Variants in CA10 observed in about 807,000 individuals in gnomAD.
CA10 encodes the protein carbonic anhydrase 10 (inactive), also known as carbonic anhydrase-related protein 10.
Under a neutral mutation model 44.2 loss-of-function variants are expected in CA10, and 14 were observed. The observed-to-expected ratio is 0.32, with a 90% CI of 0.21 to 0.50. The LOEUF (loss-of-function observed/expected upper bound fraction) is 0.50. CA10 is among the 20% of genes least tolerant of loss of function. The pLI is 0.99. For missense variants in CA10, 350 were observed against 409.7 expected (o/e 0.85, Z 1.26); for synonymous variants, 159 against 141.6 (o/e 1.12, Z -0.87).
chr17:51,757,642 G>A (rs1189107321), intron 3 of CA10, among the ~76,000 whole-genome samples: 2 of 152,200 alleles, frequency 1.3e-5, no homozygotes, highest in East Asian at 1.9e-4. Context: ...ATAAGTGTGT[G>A]TATACACAAC....
At chr17:52,039,721 A>G (rs1986717234) in intron 2 of CA10, among the ~76,000 whole-genome samples, 1 of 152,124 alleles carries the variant, frequency 6.6e-6, no homozygotes, top group African/African-American at 2.4e-5. Flanking sequence ...ATTTCTTTTA[A>G]TCATATGCTA....
intron 1 of CA10, among the ~76,000 whole-genome samples, chr17:52,097,470 C>T (rs181306832): frequency 4.0e-4 from 61 of 152,248 alleles, no homozygotes; most frequent in Non-Finnish European, 7.2e-4. Flanking sequence ...AAAAGCTCAA[C>T]CAATTTCTCT....
At chr17:52,008,883 G>A (rs1232877911) in intron 2 of CA10, among the ~76,000 whole-genome samples, 1 of 151,840 alleles carries the variant, frequency 6.6e-6, no homozygotes, top group East Asian at 1.9e-4. Context: ...TTTGTTTAAG[G>A]TTTCACCTTT....
At chr17:51,638,854 G>A (rs1002572684) in intron 6 of CA10, among the ~76,000 whole-genome samples, 1 of 152,138 alleles carries the variant, frequency 6.6e-6, no homozygotes, top group Non-Finnish European at 1.5e-5. Context: ...GCTGGGAATC[G>A]GGTAGGGTGT....
intron 1 of CA10, among the ~76,000 whole-genome samples, chr17:52,101,505 G>A (rs757234222): frequency 6.6e-6 from 1 of 152,182 alleles, no homozygotes; most frequent in African/African-American, 2.4e-5. Flanking sequence ...CTAGAAAGGA[G>A]CATACAGCTT....
chr17:51,944,135 G>T (rs1983187784), intron 2 of CA10, among the ~76,000 whole-genome samples: 1 of 152,156 alleles, frequency 6.6e-6, no homozygotes, highest in Non-Finnish European at 1.5e-5. Flanking sequence ...GACATGAATA[G>T]TTCTGTTATA....
intron 1 of CA10, among the ~76,000 whole-genome samples, chr17:52,127,475 C>T (rs2143337013): frequency 6.6e-6 from 1 of 152,288 alleles, no homozygotes; most frequent in African/African-American, 2.4e-5. Flanking sequence ...GAAGTATTCA[C>T]TTCCTTTCCT....
intron 1 of CA10, among the ~76,000 whole-genome samples, chr17:52,108,699 C>CAAAAAAA (rs759411898): frequency 4.1e-4 from 38 of 91,838 alleles, no homozygotes; most frequent in Non-Finnish European, 7.7e-4. Context: ...GACTCCGTCT[C>CAAAAAAA]AAAAAAAAAA....
chr17:52,070,767 A>G (rs1010438247), intron 2 of CA10, among the ~76,000 whole-genome samples: 1 of 152,240 alleles, frequency 6.6e-6, no homozygotes, highest in Non-Finnish European at 1.5e-5. Context: ...CACTTTAAAG[A>G]AAGAATGTGA....
chr17:52,119,357 G>T (rs1988964029), intron 1 of CA10, among the ~76,000 whole-genome samples: 1 of 152,156 alleles, frequency 6.6e-6, no homozygotes, highest in South Asian at 2.1e-4. Context: ...GACTGGAAGG[G>T]TATGCATCCC....
At chr17:51,846,476 T>C (rs556483880) in intron 3 of CA10, among the ~76,000 whole-genome samples, 1 of 152,308 alleles carries the variant, frequency 6.6e-6, no homozygotes, top group South Asian at 2.1e-4. Context: ...GCTTTACAGG[T>C]ATTAGCCCTG....
intron 1 of CA10, among the ~76,000 whole-genome samples, chr17:52,149,450 C>T (rs2143407501): frequency 6.6e-6 from 1 of 152,326 alleles, no homozygotes; most frequent in African/African-American, 2.4e-5. Flanking sequence ...TATCCCGTTA[C>T]CAGCCCAATC....
At position 52,033,944 on chromosome 17, in the gene CA10, A is replaced by G. The variant is rs184276097; in HGVS notation, c.136+38375T>C. Reference sequence around the variant, plus strand: ...AAACAAGCCAGATACAAAAATACAAATATTGCGTGATATCACTTATATGTG... The same window carrying G: ...AAACAAGCCAGATACAAAAATACAAGTATTGCGTGATATCACTTATATGTG... On this transcript the variant is annotated intron_variant, in intron 2 of 8. Coordinates refer to ENST00000451037, the MANE Select transcript of CA10 (RefSeq NM_020178.5). Among the ~76,000 whole-genome samples the G allele has an allele frequency of 1.2e-4, 18 of 152,352 alleles. No individual in the cohort carries two copies. The East Asian group carries it at 3.5e-3, about 29-fold the overall frequency.
intron 3 of CA10, among the ~76,000 whole-genome samples, chr17:51,922,021 G>T (rs1982253961): frequency 6.6e-6 from 1 of 152,028 alleles, no homozygotes; most frequent in Non-Finnish European, 1.5e-5. Context: ...ATTCAACTGG[G>T]AGTTATGTTT....
chr17:51,973,594 T>A (rs562878188), intron 2 of CA10, among the ~76,000 whole-genome samples: 1 of 152,310 alleles, frequency 6.6e-6, no homozygotes, highest in African/African-American at 2.4e-5. Flanking sequence ...GAGACTTTCC[T>A]AATGCCTCAA....
intron 3 of CA10, among the ~76,000 whole-genome samples, chr17:51,781,307 T>C (rs1203437442): frequency 6.6e-6 from 1 of 152,240 alleles, no homozygotes; most frequent in African/African-American, 2.4e-5. Context: ...TGACATTTAC[T>C]GAGTGTTGTA....
At chr17:51,801,732 T>G (rs1906940859) in intron 3 of CA10, among the ~76,000 whole-genome samples, 1 of 151,980 alleles carries the variant, frequency 6.6e-6, no homozygotes, top group South Asian at 2.1e-4. Context: ...TCATGAAAAT[T>G]ATAGTGCAGT....
chr17:52,127,961 A>G (rs1228709181), intron 1 of CA10, among the ~76,000 whole-genome samples: 2 of 152,228 alleles, frequency 1.3e-5, no homozygotes, highest in Non-Finnish European at 2.9e-5. Context: ...TACATCCTCA[A>G]AATACATCCT....
At chr17:51,910,756 C>T (rs1241402145) in intron 3 of CA10, among the ~76,000 whole-genome samples, 1 of 152,166 alleles carries the variant, frequency 6.6e-6, no homozygotes, top group Non-Finnish European at 1.5e-5. Flanking sequence ...AATTTCTCAT[C>T]TGGGGCTTCC....
Sources: gnomAD v4.1 joint callset for allele counts (sites outside exome capture counted in the v4.1 genomes callset) on GRCh38, gnomAD v4.1.1 for gene constraint, MANE v1.5 for transcripts, NCBI Gene and HGNC (gene_info 2026-07-23, HGNC 2026-07-21) for gene names.